The following NCOR1 variants were observed in gnomAD, a reference collection of about 807,000 sequenced individuals.
NCOR1 encodes the protein nuclear receptor corepressor 1, also known as protein phosphatase 1, regulatory subunit 109.
In NCOR1, 63 loss-of-function variants were observed where a neutral mutation model predicts 288.1. That is an observed-to-expected ratio of 0.22 (90% CI 0.18 to 0.27). The LOEUF (loss-of-function observed/expected upper bound fraction) is 0.27. NCOR1 is among the 10% of genes least tolerant of loss of function. The pLI, the probability that NCOR1 is intolerant of heterozygous loss-of-function variation, is 1.00. For missense variants in NCOR1, 2,397 were observed against 3,019.2 expected (o/e 0.79, Z 4.83); for synonymous variants, 1,007 against 1,065.9 (o/e 0.94, Z 1.08).
At chr17:16,129,867 T>C (rs1191529771) in intron 14 of NCOR1, among the ~76,000 whole-genome samples, 1 of 152,248 alleles carries the variant, frequency 6.6e-6, no homozygotes, top group African/African-American at 2.4e-5. Flanking sequence ...CCAATACTTT[T>C]CTGCTTCTAA....
At chr17:16,120,006 A>C (rs571037324) in intron 16 of NCOR1, among the ~76,000 whole-genome samples, 1 of 152,328 alleles carries the variant, frequency 6.6e-6, no homozygotes, top group South Asian at 2.1e-4. Context: ...AAAACAAAAC[A>C]AAACCTGAGA....
At chr17:16,158,265 T>C (rs1049583301) in intron 6 of NCOR1, among the ~76,000 whole-genome samples, 1 of 152,142 alleles carries the variant, frequency 6.6e-6, no homozygotes, top group African/African-American at 2.4e-5. Context: ...TGAGCCACCA[T>C]GCCCCGCCTT....
intron 40 of NCOR1, among the ~76,000 whole-genome samples, chr17:16,056,399 C>CTG (rs2152538631): frequency 7.3e-6 from 1 of 136,172 alleles, no homozygotes; most frequent in East Asian, 2.2e-4. Context: ...AGTGATTCTT[C>CTG]CGCCCAGGTT....
In NCOR1 at chr17:16,162,093, A is replaced by G. The variant is rs1456635973; in HGVS notation, c.618+2886T>C. Among the ~76,000 whole-genome samples the G allele has an allele frequency of 5.3e-5, 8 of 152,264 alleles. 1 individual carries two copies. The highest frequency in any genetic ancestry group is 4.6e-4 in the Admixed American group (7 of 15,292). ...TTAATACAACTCAATGAAAGCAAAA[A>G]AAAAATTTTTTTTAATGACCAGGCA... On this transcript the variant is annotated intron_variant, in intron 5 of 45. Transcript: ENST00000268712.
intron 14 of NCOR1, among the ~76,000 whole-genome samples, chr17:16,136,728 A>C (rs1158908745): frequency 1.3e-5 from 2 of 149,930 alleles, no homozygotes; most frequent in Non-Finnish European, 2.9e-5. Context: ...AATCGATTGA[A>C]CCCAGGAGGC....
intron 3 of NCOR1, among the ~76,000 whole-genome samples, chr17:16,175,035 TAA>T (rs1173244552): frequency 1.6e-5 from 2 of 128,574 alleles, no homozygotes; most frequent in African/African-American, 3.0e-5. Flanking sequence ...AACTGTGGTA[TAA>T]AAAAAAAAAA....
chr17:16,105,748 C>G (rs1039837652), intron 19 of NCOR1, among the ~76,000 whole-genome samples: 4 of 143,076 alleles, frequency 2.8e-5, no homozygotes, highest in African/African-American at 1.0e-4. Context: ...AACAAACAAA[C>G]AAAGACAGAC....
chr17:16,059,456 G>T (rs2060312887), intron 37 of NCOR1, among the ~76,000 whole-genome samples: 1 of 152,180 alleles, frequency 6.6e-6, no homozygotes, highest in South Asian at 2.1e-4. Flanking sequence ...GAGAATGTCT[G>T]AAGGGAAGTA....
chr17:16,146,975 G>C (rs937612683), intron 9 of NCOR1, among the ~76,000 whole-genome samples: 1 of 152,058 alleles, frequency 6.6e-6, no homozygotes, highest in Admixed American at 6.5e-5. Flanking sequence ...TCCAATCTGC[G>C]AAACAAAACA....
intron 10 of NCOR1, among the ~76,000 whole-genome samples, chr17:16,145,870 C>T (rs2077904491): frequency 6.6e-6 from 1 of 152,064 alleles, no homozygotes; most frequent in East Asian, 1.9e-4. Flanking sequence ...GGAAATGTGG[C>T]GAGAGTAGAG....
chr17:16,077,359 T>C (rs1221199872), intron 26 of NCOR1, among the ~76,000 whole-genome samples: 1 of 148,940 alleles, frequency 6.7e-6, no homozygotes, highest in East Asian at 2.0e-4. Flanking sequence ...ATGGCACCAC[T>C]GCACTCCATG....
intron 1 of NCOR1, among the ~76,000 whole-genome samples, chr17:16,213,270 A>G (rs2092298642): frequency 6.6e-6 from 1 of 152,058 alleles, no homozygotes; most frequent in Non-Finnish European, 1.5e-5. Context: ...AGGCAGGCGG[A>G]TCACGAGGTC....
intron 17 of NCOR1, 57 bp downstream of exon 17, chr17:16,119,366 C>T (rs2153135266): frequency 7.7e-7 from 1 of 1,293,038 alleles, no homozygotes; most frequent in African/African-American, 1.5e-5. Flanking sequence ...TCACTCATTA[C>T]TAATAACCCT....
In NCOR1 at chr17:16,098,367, C is replaced by T. The variant is rs773195986; in HGVS notation, c.2820G>A (p.Met940Ile). ...LQHRAAVIPP[M>I]VSCTPCNIPI... ...TTTCTTCCTCACAATAAAAACTTAC[C>T]ATTGGTGGGATAACAGCAGCTCGAT... The change falls in exon 21 of 46, where the codon ATG becomes ATA. Residue 940 changes from methionine to isoleucine, a missense_variant and splice_region_variant. Physicochemically the swap from Met to Ile is conservative, Grantham distance 10. Coordinates refer to ENST00000268712, the MANE Select transcript of NCOR1 (RefSeq NM_006311.4). 4.3e-6 allele frequency: 7 copies of T among 1,612,740 alleles called. No individual in the cohort carries two copies. Among genetic ancestry groups the T allele is most frequent in the Non-Finnish European group, 5.9e-6 (7 of 1,179,668 alleles).
At chr17:16,191,345 T>TAA (rs1278694866) in intron 2 of NCOR1, among the ~76,000 whole-genome samples, 3 of 152,114 alleles carry the variant, frequency 2.0e-5, no homozygotes, top group Non-Finnish European at 4.4e-5. Context: ...AGACCTGCCC[T>TAA]AACAGTTTAA....
rs531112176 is a variant in NCOR1 at position 16,127,518 on chromosome 17, TAC to T, written c.1510-1314_1510-1313del. 2.7e-5 allele frequency among the ~76,000 whole-genome samples: 4 copies of T among 147,392 alleles called. No individual in the cohort carries two copies. In the East Asian group the frequency reaches 7.9e-4, roughly 29 times the overall value. Reference sequence around the variant, plus strand: ...GTGCATGTATATACATATGTGTATATACACACGTGTATATATCTGCATGTATA... The same window carrying T: ...GTGCATGTATATACATATGTGTATATACACGTGTATATATCTGCATGTATA... On this transcript the variant is annotated intron_variant, in intron 14 of 45. Coordinates refer to ENST00000268712, the MANE Select transcript of NCOR1 (RefSeq NM_006311.4).
Position 16,178,498 on chromosome 17 carries a change from CAAAAAAAAAAAAAA to C in NCOR1, c.243-6517_243-6504del, listed in dbSNP as rs564320622. Among the ~76,000 whole-genome samples the C allele has an allele frequency of 1.8e-4, 6 of 32,788 alleles. No individual in the cohort carries two copies. The Admixed American group carries it at 2.0e-3, about 11-fold the overall frequency. The allele number at this position is 32,788 out of a possible 152,430, so 21.5% of individuals were successfully genotyped here. A position where few individuals can be genotyped will look rare whatever the true frequency, so the allele number is the denominator to read the frequency against. ...TGGGCAACAGAGCAAGACTCCGTCT[CAAAAAAAAAAAAAA>C]AAAAAAAAAGAATAGAATAAAATAA... On this transcript the variant is annotated intron_variant, in intron 3 of 45. Transcript: ENST00000268712.
At chr17:16,098,991 A>G (rs2067135834) in intron 20 of NCOR1, among the ~76,000 whole-genome samples, 1 of 152,234 alleles carries the variant, frequency 6.6e-6, no homozygotes, top group Admixed American at 6.5e-5. Context: ...TTGGGATCAC[A>G]GAGTATTTTT....
intron 21 of NCOR1, among the ~76,000 whole-genome samples, chr17:16,095,632 TGCCCGGCC>T (rs2066405058): frequency 3.2e-5 from 1 of 31,512 alleles, no homozygotes; most frequent in Non-Finnish European, 6.6e-5. Context: ...GGAGCCCCTC[TGCCCGGCC>T]AGCCGCCCCG....
Sources: allele counts gnomAD v4.1 joint callset (sites outside exome capture counted in the v4.1 genomes callset), GRCh38; gene constraint gnomAD v4.1.1; transcripts MANE v1.5; gene names NCBI Gene and HGNC (gene_info 2026-07-23, HGNC 2026-07-21).